Variants in TBATA observed in about 807,000 individuals in gnomAD.
TBATA encodes the protein protein TBATA.
A neutral mutation model predicts 38.7 loss-of-function variants in TBATA; 47 were observed. The ratio of observed to expected loss-of-function variants is 1.21; its 90% CI spans 0.96 to 1.55. The LOEUF (loss-of-function observed/expected upper bound fraction) is 1.55, where lower values mean the gene tolerates loss of function less well. Among genes scored for constraint, TBATA ranks in the 40% most tolerant of loss-of-function variants. The probability of loss-of-function intolerance (pLI) is 0.00; values close to 1 mark genes in which losing one functional copy is unlikely to be tolerated. For missense variants in TBATA, 436 were observed against 435.6 expected (o/e 1.00, Z -0.01); for synonymous variants, 183 against 170.5 (o/e 1.07, Z -0.57).
chr10:70,778,718 G>C, intron 5 of TBATA, 82 bp from the exon 6 acceptor site: 1 of 1,237,688 alleles, frequency 8.1e-7, no homozygotes, highest in African/African-American at 1.5e-5. Flanking sequence ...TGGTAGAGGA[G>C]TCTGCTCTCC....
chr10:70,781,031 T>A (rs1004783332), intron 4 of TBATA, among the ~76,000 whole-genome samples: 1 of 152,194 alleles, frequency 6.6e-6, no homozygotes, highest in Admixed American at 6.5e-5. Flanking sequence ...GTGACAATAG[T>A]GGCCCAAATG....
At chr10:70,777,644 C>A (rs1009766466) in intron 6 of TBATA, 9 of 438,342 alleles carry the variant, frequency 2.1e-5, no homozygotes, top group Non-Finnish European at 3.8e-5. Flanking sequence ...CAGGGTCGAT[C>A]GCTGGATGCC....
chr10:70,780,358 G>T (rs7905999), intron 4 of TBATA, among the ~76,000 whole-genome samples: 1 of 151,744 alleles, frequency 6.6e-6, no homozygotes, highest in African/African-American at 2.4e-5. Flanking sequence ...GGACCTAGCA[G>T]GGCTGCTGTC....
At chr10:70,771,598 C>T (rs1176533854) in intron 10 of TBATA, 137 bp from the exon 11 acceptor site, 14 of 767,416 alleles carry the variant, frequency 1.8e-5, no homozygotes, top group East Asian at 5.1e-5. Context: ...TGCTGGTGAC[C>T]GAGGAGGGAA....
intron 10 of TBATA, 121 bp downstream of exon 10, chr10:70,772,393 G>T: frequency 1.1e-6 from 1 of 931,776 alleles, no homozygotes; most frequent in Non-Finnish European, 1.8e-6. Flanking sequence ...TGAATGAATA[G>T]ATGAAATGAG....
chr10:70,784,066 TGTTCCAGAGGACCACAA>T lies in TBATA; in HGVS notation c.-146-558_-146-542del, dbSNP rs979307043. On this transcript the variant is annotated intron_variant, in intron 2 of 10. Transcript: ENST00000456372. ...TTTCATAAATGGTTTAGTTTATGTGTGTTCCAGAGGACCACAAGTTCCAGAGGACCACATAGCCTGAG... is the reference window on the plus strand; with the variant it reads ...TTTCATAAATGGTTTAGTTTATGTGTGTTCCAGAGGACCACATAGCCTGAG... Among the ~76,000 whole-genome samples the T allele has an allele frequency of 2.9e-4, 44 of 152,332 alleles. 1 individual carries two copies. Among genetic ancestry groups the T allele is most frequent in the Middle Eastern group, 6.8e-3 (2 of 294 alleles).
At chr10:70,775,083 C>T (rs1449383676) in intron 8 of TBATA, 106 bp downstream of exon 8, 1 of 1,086,198 alleles carries the variant, frequency 9.2e-7, no homozygotes, top group East Asian at 2.4e-5. Flanking sequence ...TGGAAGGCCC[C>T]CTCCAGGGTG....
At chr10:70,779,786 CT>C (rs1355970396) in intron 4 of TBATA, 44 bp from the exon 5 acceptor site, 4 of 1,502,046 alleles carry the variant, frequency 2.7e-6, no homozygotes, top group Non-Finnish European at 3.5e-6. Flanking sequence ...TTAGGTGGAC[CT>C]TAAGAGCTCC....
At chr10:70,784,382 G>A (rs1196016366) in intron 2 of TBATA, among the ~76,000 whole-genome samples, 1 of 152,020 alleles carries the variant, frequency 6.6e-6, no homozygotes, top group Admixed American at 6.6e-5. Context: ...AAGATGATAG[G>A]TGTCAAAACC....
rs1844512654 is a variant in TBATA at position 70,783,433 on chromosome 10, T to A, written c.-54A>T. The stretch of plus-strand genomic sequence containing the variant: ...GTGCACTTAATACTAGCGTTGAGGA[T>A]GCAGAACAGGAACTCTCACTTAATA... On this transcript the variant is annotated 5_prime_UTR_variant, in exon 3 of 11. Transcript: ENST00000456372. 1 of 1,595,348 alleles carries A rather than the reference T, an allele frequency of 6.3e-7. No homozygotes were observed. The highest frequency in any genetic ancestry group is 1.3e-5 in the African/African-American group (1 of 74,722).
At chr10:70,780,621 G>A (rs1448680183) in intron 4 of TBATA, among the ~76,000 whole-genome samples, 2 of 151,948 alleles carry the variant, frequency 1.3e-5, no homozygotes, top group Admixed American at 6.5e-5. Context: ...CTCCAGATCC[G>A]ACTGCACCCC....
At chr10:70,783,868 C>A (rs1040725466) in intron 2 of TBATA, among the ~76,000 whole-genome samples, 3 of 152,284 alleles carry the variant, frequency 2.0e-5, no homozygotes, top group African/African-American at 7.2e-5. Context: ...TATATTTATG[C>A]AATCTTATTA....
At chr10:70,774,628 C>T (rs568372354) in intron 8 of TBATA, among the ~76,000 whole-genome samples, 14 of 152,148 alleles carry the variant, frequency 9.2e-5, no homozygotes, top group Admixed American at 2.0e-4. Context: ...CCCGGGCCCA[C>T]GCTGGGAAGT....
At chr10:70,777,883 A>G in intron 6 of TBATA, 1 of 429,364 alleles carries the variant, frequency 2.3e-6, no homozygotes, top group Non-Finnish European at 4.6e-6. Context: ...AAGATAAGAA[A>G]ACAGAGACCC....
chr10:70,781,354 C>T (rs1164804651), intron 4 of TBATA, among the ~76,000 whole-genome samples: 1 of 152,250 alleles, frequency 6.6e-6, no homozygotes, highest in Non-Finnish European at 1.5e-5. Flanking sequence ...TCCCTCCCCA[C>T]TGGAGGTCAG....
intron 8 of TBATA, 71 bp downstream of exon 8, chr10:70,775,118 G>A: frequency 6.9e-7 from 1 of 1,454,262 alleles, no homozygotes; most frequent in Non-Finnish European, 9.6e-7. Context: ...TTTGAGTCCT[G>A]CAGAACCAGA....
Position 70,775,251 on chromosome 10 carries a change from C to G in TBATA, c.713G>C (p.Arg238Pro), listed in dbSNP as rs2254174. The change falls in exon 8 of 11, where the codon CGG (arginine) becomes CCG (proline). Residue 238 changes from arginine to proline, a missense_variant. Transcript: ENST00000456372. ...QELLVLELLC[R>P]ILETDLLSAI... ...GCTTAGCAAGTCTGTTTCCAGGATCCGACACAGGAGCTCCAGGACCTGTGG... is the reference window on the plus strand; with the variant it reads ...GCTTAGCAAGTCTGTTTCCAGGATCGGACACAGGAGCTCCAGGACCTGTGG... The G allele has an allele frequency of 6.2e-7, 1 of 1,613,682 alleles. No individual in the cohort carries two copies. Among genetic ancestry groups the G allele is most frequent in the Non-Finnish European group, 8.5e-7 (1 of 1,179,836 alleles).
chr10:70,783,245 T>G, intron 3 of TBATA, 94 bp downstream of exon 3: 1 of 1,435,224 alleles, frequency 7.0e-7, no homozygotes, highest in East Asian at 2.3e-5. Context: ...CTTGGACTCC[T>G]AATCTGTTGA....
rs368658974 is a variant in TBATA at position 70,777,251 on chromosome 10, C to G, written c.595G>C (p.Ala199Pro). ...TGRLIPASTR[A>P]VGRRRSHQGQ... ...TGGTGAGATCTGCGGCGGCCGACAG[C>G]CCGGGTGGAAGCGGGGATGAGCCTC... is the stretch of plus-strand genomic sequence containing the variant. Residue 199 changes from alanine (A) to proline (P), a missense_variant, in exon 7 of 11, where the codon GCT becomes CCT. Transcript: ENST00000456372. 4 of 1,613,474 alleles carry G rather than the reference C, an allele frequency of 2.5e-6. No homozygotes were observed. The highest frequency in any genetic ancestry group is 1.3e-5 in the African/African-American group (1 of 74,874).
Sources: allele counts gnomAD v4.1 joint callset (sites outside exome capture counted in the v4.1 genomes callset), GRCh38; gene constraint gnomAD v4.1.1; transcripts MANE v1.5; gene names NCBI Gene and HGNC (gene_info 2026-07-23, HGNC 2026-07-21).